Variants in ZBED1 observed in about 807,000 individuals in gnomAD.
The protein encoded by ZBED1 is zinc finger BED-type containing 1.
Under a neutral mutation model 49.7 loss-of-function variants are expected in ZBED1, and 19 were observed. The observed-to-expected ratio is 0.38, with a 90% confidence interval of 0.27 to 0.56. ZBED1 has a LOEUF of 0.56. ZBED1 is among the 20% of genes least tolerant of loss of function. The pLI is 0.70. For synonymous variants in ZBED1, 439 were observed against 440.3 expected (o/e 1.00, Z 0.04); for missense variants, 806 against 972.6 (o/e 0.83, Z 2.28).
chrX:2,489,440 T>C lies in ZBED1; in HGVS notation c.1280A>G (p.His427Arg). 6.2e-7 allele frequency: 1 copy of C among 1,613,880 alleles called. No homozygotes were observed. The highest frequency in any genetic ancestry group is 8.5e-7 in the Non-Finnish European group (1 of 1,179,848). The change falls in exon 2 of 2, where the codon CAC becomes CGC. Residue 427 changes from histidine (H) to arginine (R), a missense_variant. Physicochemically the swap from His to Arg is conservative, Grantham distance 29. Transcript: ENST00000652001. ...GTTGAGCGTGGTGTTCAGGAGCATGTGCAGCAGCGGCTTCACCATGCTGAT... is the reference window on the plus strand; with the variant it reads ...GTTGAGCGTGGTGTTCAGGAGCATGCGCAGCAGCGGCTTCACCATGCTGAT... Reference protein sequence around the residue: ...PTISMVKPLLHMLLNTTLNIK... With the variant: ...PTISMVKPLLRMLLNTTLNIK...
chrX:2,489,465 T>C lies in ZBED1; in HGVS notation c.1255A>G (p.Ile419Val), dbSNP rs1276448767. 4.3e-6 allele frequency: 7 copies of C among 1,613,714 alleles called. No individual in the cohort carries two copies. The highest frequency in any genetic ancestry group is 3.4e-6 in the Non-Finnish European group (4 of 1,179,864). Residue 419 changes from isoleucine (I) to valine (V), a missense_variant, in exon 2 of 2, where the codon ATC becomes GTC. Coordinates refer to ENST00000652001, the MANE Select transcript of ZBED1 (RefSeq NM_001171136.2). ...TGCAGCAGCGGCTTCACCATGCTGA[T>C]GGTGGGGTACCTGGAGGCCGACAGC... ...EMLSASRYPT[I>V]SMVKPLLHML...
At chrX:2,499,161 C>A (rs1334676850) in intron 1 of ZBED1, among the ~76,000 whole-genome samples, 1 of 152,106 alleles carries the variant, frequency 6.6e-6, no homozygotes, top group Non-Finnish European at 1.5e-5. Context: ...AGTCAAAAGT[C>A]ATTTCACAAT....
Position 2,489,511 on chromosome X carries a change from G to A in ZBED1, c.1209C>T (p.Pro403=), listed in dbSNP as rs1343134070. ...ACAGCATCTCGGCCACCTGCTTGAA[G>A]GGCTGCAGGAGCTCCACCAGCCCCT... ...TIEGLVELLQ[P]FKQVAEMLSA... Residue 403 remains proline (P), a synonymous_variant, in exon 2 of 2, where the codon CCC becomes CCT. Transcript: ENST00000652001. The A allele has an allele frequency of 1.3e-5, 21 of 1,613,216 alleles. No individual in the cohort carries two copies. The highest frequency in any genetic ancestry group is 1.7e-5 in the Admixed American group (1 of 60,012).
At position 2,490,782 on chromosome X, in the gene ZBED1, G is replaced by A; in HGVS notation, c.-53-10C>T. The A allele has an allele frequency of 6.4e-7, 1 of 1,563,016 alleles. No individual in the cohort carries two copies. Among genetic ancestry groups the A allele is most frequent in the Non-Finnish European group, 8.7e-7 (1 of 1,154,658 alleles). ...CATGCGTGGGGACCTGCTGAGAAGG[G>A]CCAAGACAAACACAGCATGAGAAGG... On this transcript the variant is annotated splice_polypyrimidine_tract_variant and intron_variant, in intron 1 of 1. Coordinates refer to ENST00000652001, the MANE Select transcript of ZBED1 (RefSeq NM_001171136.2).
rs377517735 is a variant in ZBED1, at chrX:2,489,520, G to A, written c.1200C>T (p.Leu400=). 5.0e-6 allele frequency: 8 copies of A among 1,612,956 alleles called. No individual in the cohort carries two copies. Among genetic ancestry groups the A allele is most frequent in the Non-Finnish European group, 6.8e-6 (8 of 1,179,862 alleles). The change falls in exon 2 of 2, where the codon CTC becomes CTT. Residue 400 remains leucine (L), a synonymous_variant. Transcript: ENST00000652001. ...CGGCCACCTGCTTGAAGGGCTGCAG[G>A]AGCTCCACCAGCCCCTCGATGGTGG... ...EWATIEGLVE[L]LQPFKQVAEM... is the part of the protein sequence containing the mutation.
intron 1 of ZBED1, among the ~76,000 whole-genome samples, chrX:2,495,946 C>T (rs1158732788): frequency 1.3e-5 from 2 of 152,138 alleles, no homozygotes; most frequent in African/African-American, 4.8e-5. Flanking sequence ...CAGCCGCCAT[C>T]CGTCCCTTTA....
At chrX:2,500,457 C>T in intron 1 of ZBED1, 1 of 161,224 alleles carries the variant, frequency 6.2e-6, no homozygotes, top group Non-Finnish European at 1.4e-5. Context: ...CCCGGGTCCC[C>T]GGCCATGGCC....
intron 1 of ZBED1, among the ~76,000 whole-genome samples, chrX:2,496,889 T>C (rs1014032047): frequency 4.0e-5 from 6 of 148,920 alleles, no homozygotes; most frequent in African/African-American, 1.5e-4. Context: ...AATATATATA[T>C]TTAATAAAAA....
chrX:2,500,717 G>T (rs1038299154), intron 1 of ZBED1, 100 bp downstream of exon 1: 10 of 173,562 alleles, frequency 5.8e-5, no homozygotes, highest in African/African-American at 3.8e-4. Context: ...GAGCGCCACC[G>T]CCTCGCCAAG....
chrX:2,490,390 C>T lies in ZBED1; in HGVS notation c.330G>A (p.Leu110=). Residue 110 remains leucine, a synonymous_variant, in exon 2 of 2, where the codon CTG becomes CTA. Coordinates refer to ENST00000652001, the MANE Select transcript of ZBED1 (RefSeq NM_001171136.2). ...ESSQQPGQDA[L]AVKAGHGYDS... is the part of the protein sequence containing the mutation. ...CGTAGCCGTGGCCGGCCTTGACGGC[C>T]AGCGCGTCCTGCCCGGGCTGCTGGG... is the stretch of plus-strand genomic sequence containing the variant. 1 of 1,613,808 alleles carries T rather than the reference C, an allele frequency of 6.2e-7. No individual in the cohort carries two copies. Among genetic ancestry groups the T allele is most frequent in the Non-Finnish European group, 8.5e-7 (1 of 1,179,862 alleles).
Position 2,490,770 on chromosome X carries a change from C to T in ZBED1, c.-51G>A. On this transcript the variant is annotated splice_region_variant and 5_prime_UTR_variant, in exon 2 of 2. Transcript: ENST00000652001. The stretch of plus-strand genomic sequence containing the variant: ...TGGACGGCTGCTCATGCGTGGGGAC[C>T]TGCTGAGAAGGGCCAAGACAAACAC... 1.9e-6 allele frequency: 3 copies of T among 1,578,216 alleles called. No homozygotes were observed. Among genetic ancestry groups the T allele is most frequent in the Non-Finnish European group, 2.6e-6 (3 of 1,162,156 alleles).
intron 1 of ZBED1, among the ~76,000 whole-genome samples, chrX:2,493,983 G>C (rs1198485855): frequency 7.3e-6 from 1 of 136,726 alleles, no homozygotes; most frequent in Non-Finnish European, 1.6e-5. Context: ...AAAGAAAGAA[G>C]AAAACAAAAA....
In ZBED1 at chrX:2,500,798, C is replaced by A; in HGVS notation, c.-54+19G>T. On this transcript the variant is annotated intron_variant, in intron 1 of 1. Coordinates refer to ENST00000652001, the MANE Select transcript of ZBED1 (RefSeq NM_001171136.2). ...CACCCGGGTCCCCGGAGCCCTGACC[C>A]CTGCCCCGCCCCGCTGACCTGGCTC... The A allele has an allele frequency of 2.7e-6, 3 of 1,111,282 alleles. No homozygotes were observed. Among genetic ancestry groups the A allele is most frequent in the Non-Finnish European group, 3.3e-6 (3 of 908,056 alleles). 68.8% of individuals were successfully genotyped at this position (1,111,282 alleles called of 1,614,324 possible). A position where few individuals can be genotyped will look rare whatever the true frequency, so the allele number is the denominator to read the frequency against.
intron 1 of ZBED1, among the ~76,000 whole-genome samples, chrX:2,497,476 C>G (rs2045313240): frequency 2.0e-5 from 3 of 152,040 alleles, no homozygotes; most frequent in African/African-American, 7.2e-5. Context: ...CTCATAAAAC[C>G]AACAAGAATT....
Position 2,500,875 on chromosome X carries a change from G to T in ZBED1, c.-112C>A, listed in dbSNP as rs1363252638. ...GCAGCTGCGCCAGGATCACCGCGGC[G>T]CCTACCGCGTAGACCCGCAGGGCCG... On this transcript the variant is annotated 5_prime_UTR_variant, in exon 1 of 2. Transcript: ENST00000652001. The T allele has an allele frequency of 5.4e-5, 63 of 1,157,088 alleles. No homozygotes were observed. The Middle Eastern group carries it at 1.4e-3, about 27-fold the overall frequency. 71.7% of individuals were successfully genotyped at this position (1,157,088 alleles called of 1,614,324 possible). A position where few individuals can be genotyped will look rare whatever the true frequency, so the allele number is the denominator to read the frequency against.
chrX:2,494,847 C>T (rs1392278335), intron 1 of ZBED1, among the ~76,000 whole-genome samples: 2 of 151,534 alleles, frequency 1.3e-5, no homozygotes, highest in African/African-American at 4.8e-5. Flanking sequence ...TTATTACTGT[C>T]ATTATTGTTG....
rs945154174 is a variant in ZBED1, at chrX:2,487,999, C to T, written c.*636G>A. The T allele has an allele frequency of 6.6e-6, 1 of 151,854 alleles. No individual in the cohort carries two copies. Among genetic ancestry groups the T allele is most frequent in the African/African-American group, 2.4e-5 (1 of 41,306 alleles). 9.4% of individuals were successfully genotyped at this position (151,854 alleles called of 1,614,324 possible). ...AATGTTCCTGCGTTTCTTCTAAACCCTCCCAGGGAGAACTCGAATCAGACA... is the reference window on the plus strand; with the variant it reads ...AATGTTCCTGCGTTTCTTCTAAACCTTCCCAGGGAGAACTCGAATCAGACA... On this transcript the variant is annotated 3_prime_UTR_variant, in exon 2 of 2. Transcript: ENST00000652001.
chrX:2,491,232 G>C (rs1168631081), intron 1 of ZBED1, among the ~76,000 whole-genome samples: 1 of 152,052 alleles, frequency 6.6e-6, no homozygotes, highest in African/African-American at 2.4e-5. Flanking sequence ...ATCACGCCTG[G>C]CTAATTTTTG....
At chrX:2,494,052 G>C (rs1260134593) in intron 1 of ZBED1, among the ~76,000 whole-genome samples, 1 of 152,044 alleles carries the variant, frequency 6.6e-6, no homozygotes, top group Non-Finnish European at 1.5e-5. Flanking sequence ...CCCGATACCT[G>C]GAAGAAAAGT....
Sources: allele counts gnomAD v4.1 joint callset (sites outside exome capture counted in the v4.1 genomes callset), GRCh38; gene constraint gnomAD v4.1.1; transcripts MANE v1.5; gene names NCBI Gene and HGNC (gene_info 2026-07-23, HGNC 2026-07-21).